Variants in SPACA6 observed in about 807,000 individuals in gnomAD.
The protein encoded by SPACA6 is sperm acrosome associated 6, also known as sperm acrosome membrane-associated protein 6.
For synonymous variants in SPACA6, 6 were observed against 1.5 expected (o/e 4.05, Z -2.21); for missense variants, 8 against 2.8 (o/e 2.88, Z -1.34).
At chr19:51,683,647 C>G in the SPACA6 span, among the ~76,000 whole-genome samples, 1 of 152,186 alleles carries the variant, frequency 6.6e-6, no homozygotes, top group Non-Finnish European at 1.5e-5. Context: ...GAATAAAGAG[C>G]TAGCTCTGTA....
At position 51,703,176 on chromosome 19, in the gene SPACA6, G is replaced by C. The variant is rs1002952957; in HGVS notation, c.464-52G>C. The C allele has an allele frequency of 2.5e-6, 1 of 399,556 alleles. No individual in the cohort carries two copies. Among genetic ancestry groups the C allele is most frequent in the Non-Finnish European group, 4.4e-6 (1 of 226,274 alleles). The allele number at this position is 399,556 out of a possible 1,614,324, so 24.8% of individuals were successfully genotyped here. A position where few individuals can be genotyped will look rare whatever the true frequency, so the allele number is the denominator to read the frequency against. ...GAGCACCGAGGGGCATAAGCTGGTG[G>C]CGAGGCCAGACGTGGTCGGGGCCCA... On this transcript the variant is annotated intron_variant, in intron 5 of 8. Transcript: ENST00000637797. The surrounding 1 kb of genome is among the most constrained non-coding windows in gnomAD (Gnocchi z 4.2).
At chr19:51,683,001 C>A in the SPACA6 span, among the ~76,000 whole-genome samples, 4 of 152,182 alleles carry the variant, frequency 2.6e-5, no homozygotes, top group Non-Finnish European at 5.9e-5. Flanking sequence ...CAAGATCATG[C>A]CACTGCACTC....
intron 2 of SPACA6, among the ~76,000 whole-genome samples, chr19:51,695,513 G>A (rs892317149): frequency 7.2e-5 from 11 of 152,206 alleles, no homozygotes; most frequent in African/African-American, 2.7e-4. Flanking sequence ...AACAATCCCG[G>A]AAGAGGGAAG....
intron 2 of SPACA6, among the ~76,000 whole-genome samples, chr19:51,710,950 C>A (rs1349011257): frequency 1.3e-5 from 2 of 152,134 alleles, no homozygotes; most frequent in African/African-American, 4.8e-5. Flanking sequence ...TGTGGTGGCA[C>A]ATGCCTGTAA....
chr19:51,685,941 T>C (rs1166799819), upstream of SPACA6: 2 of 152,182 alleles, frequency 1.3e-5, no homozygotes, highest in Non-Finnish European at 2.9e-5. Flanking sequence ...GATTCGAGAT[T>C]TTTGCATTAA....
chr19:51,690,494 G>A (rs1022461157), upstream of SPACA6, among the ~76,000 whole-genome samples: 4 of 152,078 alleles, frequency 2.6e-5, no homozygotes, highest in Admixed American at 2.6e-4. Context: ...AGCCCCAGCT[G>A]GAGTCCAGCC....
chr19:51,694,027 A>G (rs1276624100), intron 1 of SPACA6: 1 of 276,172 alleles, frequency 3.6e-6, no homozygotes, highest in East Asian at 5.6e-5. Context: ...AGACTCGGAA[A>G]GATGGAGACT....
chr19:51,699,830 G>T (rs1427862815), intron 2 of SPACA6, among the ~76,000 whole-genome samples: 1 of 152,062 alleles, frequency 6.6e-6, no homozygotes, highest in African/African-American at 2.4e-5. Flanking sequence ...GGGGTGGGCG[G>T]CACGATTTAG....
chr19:51,700,530 T>C (rs2083460868), intron 2 of SPACA6, among the ~76,000 whole-genome samples: 2 of 152,150 alleles, frequency 1.3e-5, no homozygotes, highest in African/African-American at 4.8e-5. Context: ...TTAAACACTT[T>C]CCAGGCCAAA....
downstream of SPACA6, among the ~76,000 whole-genome samples, chr19:51,707,685 C>T (rs141751669): frequency 6.6e-6 from 1 of 152,320 alleles, no homozygotes; most frequent in East Asian, 1.9e-4. Flanking sequence ...TCGCACTACA[C>T]AGGTTTTAAG....
intron 1 of SPACA6, 69 bp downstream of exon 1, chr19:51,693,809 A>T: frequency 2.5e-6 from 1 of 402,826 alleles, no homozygotes. Flanking sequence ...AGAGGCCCAG[A>T]GGGTCAGGCT....
upstream of SPACA6, chr19:51,687,304 TAA>T (rs2083332926): frequency 7.9e-6 from 1 of 125,918 alleles, no homozygotes; most frequent in Non-Finnish European, 1.8e-5. Flanking sequence ...CATACATACA[TAA>T]GCAAATCTGT....
At chr19:51,684,625 A>G (rs1042842859), upstream of SPACA6, among the ~76,000 whole-genome samples, 11 of 152,188 alleles carry the variant, frequency 7.2e-5, no homozygotes, top group African/African-American at 1.2e-4. Context: ...GGGGTGTCCA[A>G]TCTTTCAGCT....
intron 2 of SPACA6, among the ~76,000 whole-genome samples, chr19:51,695,536 C>T (rs1046627223): frequency 2.0e-5 from 3 of 152,220 alleles, no homozygotes; most frequent in Admixed American, 6.5e-5. Context: ...TCCCATCCAC[C>T]CAGGGGGCAT....
chr19:51,688,897 AAGAGGGAGAG>A (rs139781159), upstream of SPACA6, among the ~76,000 whole-genome samples: 45,077 of 145,000 alleles, frequency 0.31, 7,156 homozygotes, highest in Admixed American at 0.42. Flanking sequence ...GGAGGAGGGA[AAGAGGGAGAG>A]AGAGAGAGAG....
intron 2 of SPACA6, among the ~76,000 whole-genome samples, chr19:51,696,359 A>G (rs1445117252): frequency 1.3e-5 from 2 of 152,216 alleles, no homozygotes; most frequent in Non-Finnish European, 2.9e-5. Context: ...GACAATAAAC[A>G]TAATCGATAA....
upstream of SPACA6, chr19:51,685,935 C>T (rs1474577333): frequency 2.0e-5 from 3 of 152,164 alleles, no homozygotes; most frequent in Non-Finnish European, 4.4e-5. Flanking sequence ...ATTTCAGATT[C>T]GAGATTTTTG....
intron 1 of SPACA6, chr19:51,694,269 G>A (rs2083405996): frequency 3.1e-6 from 1 of 317,708 alleles, no homozygotes; most frequent in Middle Eastern, 7.7e-4. Flanking sequence ...ACTAGGGGAA[G>A]CAGGATAGCG....
upstream of SPACA6, among the ~76,000 whole-genome samples, chr19:51,690,746 T>A (rs539084246): frequency 9.9e-5 from 15 of 152,264 alleles, 1 homozygote; most frequent in South Asian, 3.1e-3. Context: ...TCCGCCTCAG[T>A]TTCCCCAAGG....
Sources: gnomAD v4.1 joint callset for allele counts (sites outside exome capture counted in the v4.1 genomes callset) on GRCh38, gnomAD v4.1.1 for gene constraint, Gnocchi (gnomAD v3.1) non-coding constraint, MANE v1.5 for transcripts, NCBI Gene and HGNC (gene_info 2026-07-23, HGNC 2026-07-21) for gene names.